The following KCNJ6 variants were observed in gnomAD, a reference collection of about 807,000 sequenced individuals.
The protein encoded by KCNJ6 is potassium inwardly rectifying channel subfamily J member 6, also known as G protein-activated inward rectifier potassium channel 2.
A neutral mutation model predicts 34.2 loss-of-function variants in KCNJ6; 9 were observed. That is an observed-to-expected ratio of 0.26 (90% CI 0.16 to 0.46). KCNJ6 has a LOEUF of 0.46. Ranked by LOEUF, KCNJ6 falls within the 20% of genes least tolerant of loss-of-function variation. The pLI is 1.00. For synonymous variants in KCNJ6, 196 were observed against 207.1 expected (o/e 0.95, Z 0.46); for missense variants, 236 against 531.3 (o/e 0.44, Z 5.46).
intron 2 of KCNJ6, among the ~76,000 whole-genome samples, chr21:37,790,728 G>C (rs2055212818): frequency 6.6e-6 from 1 of 152,214 alleles, no homozygotes. Context: ...CAAAATGCAA[G>C]AGTGATATCT....
At chr21:37,641,826 G>A (rs2835852) in intron 3 of KCNJ6, among the ~76,000 whole-genome samples, 40,378 of 152,120 alleles carry the variant, frequency 0.27, 5,767 homozygotes, top group South Asian at 0.31. Context: ...TCAATTGCAC[G>A]AAGAAGAAAT....
intron 3 of KCNJ6, among the ~76,000 whole-genome samples, chr21:37,684,235 G>C (rs55680031): frequency 6.6e-6 from 1 of 152,066 alleles, no homozygotes; most frequent in Non-Finnish European, 1.5e-5. Flanking sequence ...CCTCTCCCCC[G>C]GGTTATGGTA....
intron 2 of KCNJ6, among the ~76,000 whole-genome samples, chr21:37,779,745 T>C (rs2055160052): frequency 6.6e-6 from 1 of 152,238 alleles, no homozygotes; most frequent in East Asian, 1.9e-4. Context: ...GAGATGACTG[T>C]AACCTTGAAG....
chr21:37,630,953 G>T (rs1412372001), intron 3 of KCNJ6, among the ~76,000 whole-genome samples: 1 of 151,988 alleles, frequency 6.6e-6, no homozygotes, highest in Non-Finnish European at 1.5e-5. Flanking sequence ...ACTAATGTGT[G>T]GTCTCCTTTC....
chr21:37,874,990 G>T (rs1353548660), intron 1 of KCNJ6, among the ~76,000 whole-genome samples: 6 of 152,152 alleles, frequency 3.9e-5, no homozygotes, highest in Non-Finnish European at 8.8e-5. Context: ...GATTCTGGCA[G>T]TTCTGCTCCA....
At chr21:37,778,696 CGTGTGTGT>C (rs61218477) in intron 2 of KCNJ6, among the ~76,000 whole-genome samples, 4 of 146,268 alleles carry the variant, frequency 2.7e-5, no homozygotes, top group East Asian at 2.0e-4. Context: ...GTGCTGTGTG[CGTGTGTGT>C]GTGTGTGTGT....
intron 2 of KCNJ6, among the ~76,000 whole-genome samples, chr21:37,721,826 G>T (rs1172874332): frequency 4.6e-5 from 7 of 152,208 alleles, no homozygotes; most frequent in South Asian, 4.1e-4. Flanking sequence ...ATTTCAATTT[G>T]TCTTGGGTGT....
At chr21:37,698,995 G>A (rs767455122) in intron 3 of KCNJ6, among the ~76,000 whole-genome samples, 23 of 152,038 alleles carry the variant, frequency 1.5e-4, no homozygotes, top group Non-Finnish European at 2.8e-4. Context: ...CACGGCACCT[G>A]GCTAATTTTG....
intron 1 of KCNJ6, among the ~76,000 whole-genome samples, chr21:37,897,061 T>C (rs933126): frequency 0.081 from 12,399 of 152,216 alleles, 538 homozygotes; most frequent in African/African-American, 0.1. Context: ...GCTTTGCCTG[T>C]AGGAACAAAC....
At chr21:37,901,903 C>G (rs2055818688) in intron 1 of KCNJ6, among the ~76,000 whole-genome samples, 3 of 152,098 alleles carry the variant, frequency 2.0e-5, no homozygotes, top group Admixed American at 1.3e-4. Context: ...TTTTCATATC[C>G]TCTTAGAAGC....
At chr21:37,794,549 T>A (rs2055231848) in intron 2 of KCNJ6, among the ~76,000 whole-genome samples, 1 of 152,206 alleles carries the variant, frequency 6.6e-6, no homozygotes, top group South Asian at 2.1e-4. Context: ...AACGTATTTA[T>A]TTTATTAGGT....
intron 2 of KCNJ6, among the ~76,000 whole-genome samples, chr21:37,752,990 G>A (rs1284518729): frequency 1.3e-5 from 2 of 152,184 alleles, no homozygotes; most frequent in Non-Finnish European, 2.9e-5. Flanking sequence ...TGAGAGAAAA[G>A]ACAAGGGCTG....
At chr21:37,721,143 G>A (rs2054824276) in intron 2 of KCNJ6, among the ~76,000 whole-genome samples, 1 of 152,162 alleles carries the variant, frequency 6.6e-6, no homozygotes, top group Non-Finnish European at 1.5e-5. Context: ...CTCCAAAGAA[G>A]ATATCCAAAT....
At chr21:37,656,074 G>A (rs1189989357) in intron 3 of KCNJ6, among the ~76,000 whole-genome samples, 1 of 152,192 alleles carries the variant, frequency 6.6e-6, no homozygotes. Flanking sequence ...GCATGCACAC[G>A]TTACATCAAT....
rs145407458 is a variant in KCNJ6 at position 37,826,345 on chromosome 21, A to G, written c.25+14313T>C. Among the ~76,000 whole-genome samples the G allele has an allele frequency of 4.6e-5, 7 of 152,334 alleles. No individual in the cohort carries two copies. In the East Asian group the frequency reaches 1.3e-3, roughly 29 times the overall value. The stretch of plus-strand genomic sequence containing the variant: ...TACAGCATAATGTTGGGGTTCCTCC[A>G]GGAAGTGGGGCATTTCAGGTTGAAC... On this transcript the variant is annotated intron_variant, in intron 2 of 3. Coordinates refer to ENST00000609713, the MANE Select transcript of KCNJ6 (RefSeq NM_002240.5).
chr21:37,907,906 T>C (rs2055849393), intron 1 of KCNJ6, among the ~76,000 whole-genome samples: 1 of 152,222 alleles, frequency 6.6e-6, no homozygotes, highest in Admixed American at 6.5e-5. Flanking sequence ...TTGAAATGAT[T>C]GAATGTGGCA....
At chr21:37,781,011 C>A (rs972082533) in intron 2 of KCNJ6, among the ~76,000 whole-genome samples, 1 of 152,188 alleles carries the variant, frequency 6.6e-6, no homozygotes, top group African/African-American at 2.4e-5. Flanking sequence ...CCAAATATCA[C>A]GTTAGGGGAA....
At chr21:37,683,684 G>A (rs1353904343) in intron 3 of KCNJ6, among the ~76,000 whole-genome samples, 5 of 152,328 alleles carry the variant, frequency 3.3e-5, no homozygotes, top group East Asian at 3.9e-4. Context: ...AGGAAGACAG[G>A]ACAGAAGCCA....
intron 2 of KCNJ6, among the ~76,000 whole-genome samples, chr21:37,720,723 C>T (rs1014136051): frequency 2.9e-4 from 41 of 141,110 alleles, no homozygotes; most frequent in Non-Finnish European, 5.2e-4. Context: ...TTTTTTGAGA[C>T]GGAGTCTCGC....
Sources: gnomAD v4.1 joint callset for allele counts (sites outside exome capture counted in the v4.1 genomes callset) on GRCh38, gnomAD v4.1.1 for gene constraint, MANE v1.5 for transcripts, NCBI Gene and HGNC (gene_info 2026-07-23, HGNC 2026-07-21) for gene names.